The following NCALD variants were observed in gnomAD, a reference collection of about 807,000 sequenced individuals.
The protein encoded by NCALD is neurocalcin-delta.
Under a neutral mutation model 18.6 loss-of-function variants are expected in NCALD, and 10 were observed. The ratio of observed to expected loss-of-function variants is 0.54; its 90% CI spans 0.33 to 0.91. NCALD has a LOEUF of 0.91. NCALD is among the 40% of genes least tolerant of loss of function. NCALD has a pLI of 0.03. For missense variants in NCALD, 184 were observed against 247.6 expected, an observed-to-expected ratio of 0.74 and a Z score of 1.72; for synonymous variants, 88 against 87.4, an observed-to-expected ratio of 1.01 and a Z score of -0.04.
chr8:102,082,656 T>C (rs558742576), intron 1 of NCALD, among the ~76,000 whole-genome samples: 101 of 152,348 alleles, frequency 6.6e-4, no homozygotes, highest in Non-Finnish European at 1.2e-3. Context: ...AATCATTATT[T>C]TTCTTTATGT....
chr8:101,935,972 G>A (rs376872738), intron 2 of NCALD, among the ~76,000 whole-genome samples: 14 of 152,054 alleles, frequency 9.2e-5, no homozygotes, highest in African/African-American at 2.9e-4. Context: ...GTAAGAGCAG[G>A]GATGATTCAT....
intron 2 of NCALD, among the ~76,000 whole-genome samples, chr8:101,928,709 T>C (rs564412961): frequency 2.0e-5 from 3 of 152,308 alleles, no homozygotes; most frequent in Non-Finnish European, 2.9e-5. Flanking sequence ...TCAGGACTTC[T>C]TACAACTTTC....
chr8:101,770,604 G>A (rs985490611), intron 1 of NCALD, among the ~76,000 whole-genome samples: 1 of 152,196 alleles, frequency 6.6e-6, no homozygotes, highest in African/African-American at 2.4e-5. Context: ...GTTAGAGCGA[G>A]TGGCTTGTCT....
chr8:102,049,383 T>C (rs1055018692), intron 1 of NCALD, among the ~76,000 whole-genome samples: 1 of 152,164 alleles, frequency 6.6e-6, no homozygotes, highest in East Asian at 1.9e-4. Context: ...CTCACTTCCT[T>C]TTATCGCTGA....
chr8:101,963,874 G>T (rs540068818), intron 2 of NCALD, among the ~76,000 whole-genome samples: 35 of 152,064 alleles, frequency 2.3e-4, no homozygotes, highest in Admixed American at 4.6e-4. Context: ...GTAGTTCACA[G>T]TCTCACTGAT....
chr8:101,794,763 C>CTA (rs1812577425), upstream of NCALD, among the ~76,000 whole-genome samples: 1 of 152,178 alleles, frequency 6.6e-6, no homozygotes, highest in Non-Finnish European at 1.5e-5. Context: ...ATTTGCCTAC[C>CTA]TACTGCATAG....
At chr8:101,879,145 G>T (rs549645598) in intron 4 of NCALD, among the ~76,000 whole-genome samples, 2 of 152,316 alleles carry the variant, frequency 1.3e-5, no homozygotes, top group Non-Finnish European at 2.9e-5. Flanking sequence ...AACTTCCACG[G>T]TGAGTTTCCT....
At chr8:101,720,779 A>C (rs1272418330) in intron 1 of NCALD, among the ~76,000 whole-genome samples, 1 of 152,254 alleles carries the variant, frequency 6.6e-6, no homozygotes, top group African/African-American at 2.4e-5. Context: ...ATGTATAAAA[A>C]GTGCTTCTCA....
intron 4 of NCALD, among the ~76,000 whole-genome samples, chr8:101,868,391 C>T (rs975390935): frequency 1.3e-5 from 2 of 152,076 alleles, no homozygotes; most frequent in Admixed American, 6.6e-5. Flanking sequence ...AGAATAGGGT[C>T]GGAAGGCAGG....
At chr8:101,740,758 C>G (rs959139385) in intron 1 of NCALD, among the ~76,000 whole-genome samples, 1 of 152,186 alleles carries the variant, frequency 6.6e-6, no homozygotes, top group Non-Finnish European at 1.5e-5. Flanking sequence ...AAGACAGGTT[C>G]TGTGTGCCAG....
chr8:101,993,023 G>T (rs2131991247), intron 2 of NCALD, among the ~76,000 whole-genome samples: 1 of 146,712 alleles, frequency 6.8e-6, no homozygotes, highest in African/African-American at 2.5e-5. Context: ...GAAACTGGTG[G>T]TCTCATGCTT....
At chr8:101,700,813 A>G (rs563015301) in intron 2 of NCALD, among the ~76,000 whole-genome samples, 7 of 152,292 alleles carry the variant, frequency 4.6e-5, no homozygotes, top group African/African-American at 1.7e-4. Flanking sequence ...TAATACAACA[A>G]ACAACTCCCA....
chr8:102,109,219 G>T (rs1231992250), intron 1 of NCALD, among the ~76,000 whole-genome samples: 1 of 151,692 alleles, frequency 6.6e-6, no homozygotes, highest in Admixed American at 6.6e-5. Flanking sequence ...TGATTATTTG[G>T]TTTATTAGCT....
intron 2 of NCALD, among the ~76,000 whole-genome samples, chr8:102,013,503 G>A (rs1821976290): frequency 6.6e-6 from 1 of 152,156 alleles, no homozygotes; most frequent in African/African-American, 2.4e-5. Context: ...CTCCTTTGCA[G>A]CTAAGGGTGA....
intron 2 of NCALD, among the ~76,000 whole-genome samples, chr8:101,982,220 G>C (rs546541379): frequency 6.6e-6 from 1 of 152,196 alleles, no homozygotes; most frequent in African/African-American, 2.4e-5. Context: ...CCAGTCTCAG[G>C]TATTCCCTTA....
chr8:102,029,226 A>G (rs939726426), intron 1 of NCALD: 3 of 152,360 alleles, frequency 2.0e-5, no homozygotes, highest in African/African-American at 4.8e-5. Flanking sequence ...AGAGATGTCC[A>G]TAGGAAAGAC....
At chr8:101,928,908 G>C (rs984508799) in intron 2 of NCALD, among the ~76,000 whole-genome samples, 7 of 152,156 alleles carry the variant, frequency 4.6e-5, no homozygotes, top group African/African-American at 7.2e-5. Context: ...TGTGTACTGG[G>C]AGGACTGACT....
intron 1 of NCALD, among the ~76,000 whole-genome samples, chr8:101,762,155 C>T (rs1319654695): frequency 1.3e-5 from 2 of 152,146 alleles, no homozygotes; most frequent in Admixed American, 1.3e-4. Flanking sequence ...AATATATATG[C>T]ATTTTCCCTA....
intron 1 of NCALD, among the ~76,000 whole-genome samples, chr8:102,072,074 T>G (rs1044890911): frequency 6.8e-6 from 1 of 146,286 alleles, no homozygotes; most frequent in Non-Finnish European, 1.5e-5. Flanking sequence ...CTTCAAGACC[T>G]ACTATAAAAC....
Sources: gnomAD v4.1 joint callset for allele counts (sites outside exome capture counted in the v4.1 genomes callset) on GRCh38, gnomAD v4.1.1 for gene constraint, MANE v1.5 for transcripts, NCBI Gene and HGNC (gene_info 2026-07-23, HGNC 2026-07-21) for gene names.